DDX19B: variants seen among roughly 807,000 people sequenced by gnomAD.
DDX19B encodes the protein ATP-dependent RNA helicase DDX19B.
In DDX19B, 27 loss-of-function variants were observed where a neutral mutation model predicts 58.1. The ratio of observed to expected loss-of-function variants is 0.46; its 90% CI spans 0.34 to 0.64. The LOEUF (loss-of-function observed/expected upper bound fraction) is 0.64, where lower values mean the gene tolerates loss of function less well. Among genes scored for constraint, DDX19B ranks in the 30% least tolerant of loss-of-function variants. DDX19B has a pLI of 0.01. For missense variants in DDX19B, 399 were observed against 596.5 expected (o/e 0.67, Z 3.45); for synonymous variants, 187 against 214.4 (o/e 0.87, Z 1.12).
chr16:70,334,730 T>G lies in DDX19B; in HGVS notation c.*1148T>G, dbSNP rs1963637902. ...CCAAGGCAAGAGTATCACCAAGGCC[T>G]TTGCTCCAGCCTTACTTGGCATCTT... On this transcript the variant is annotated 3_prime_UTR_variant, in exon 12 of 12. Transcript: ENST00000288071. 6.6e-6 allele frequency: 1 copy of G among 152,220 alleles called. No individual in the cohort carries two copies. The highest frequency in any genetic ancestry group is 1.5e-5 in the Non-Finnish European group (1 of 68,056). 9.4% of individuals were successfully genotyped at this position (152,220 alleles called of 1,614,324 possible).
chr16:70,332,285 T>G (rs1963524407), intron 10 of DDX19B, among the ~76,000 whole-genome samples: 1 of 152,132 alleles, frequency 6.6e-6, no homozygotes, highest in Admixed American at 6.6e-5. Flanking sequence ...ATTCCCAGAG[T>G]TGGCCTGTCC....
rs570721526 is a variant in DDX19B at position 70,329,267 on chromosome 16, G to A, written c.608-25G>A. The A allele has an allele frequency of 3.1e-6, 5 of 1,605,538 alleles. No homozygotes were observed. In the East Asian group the frequency reaches 1.1e-4, roughly 36 times the overall value. ...AAGAAAGAAAGAAATACCCACACATGGAAAACATCTTGGGGTCTCCACAGT... is the reference window on the plus strand; with the variant it reads ...AAGAAAGAAAGAAATACCCACACATAGAAAACATCTTGGGGTCTCCACAGT... On this transcript the variant is annotated intron_variant, in intron 7 of 11. Coordinates refer to ENST00000288071, the MANE Select transcript of DDX19B (RefSeq NM_007242.7).
At chr16:70,312,217 A>G (rs2152194918) in intron 1 of DDX19B, among the ~76,000 whole-genome samples, 1 of 152,122 alleles carries the variant, frequency 6.6e-6, no homozygotes, top group South Asian at 2.1e-4. Flanking sequence ...ATCTCTTTAA[A>G]TTTCCTCTTG....
At chr16:70,320,570 C>T (rs1962719848) in intron 5 of DDX19B, among the ~76,000 whole-genome samples, 1 of 150,974 alleles carries the variant, frequency 6.6e-6, no homozygotes, top group South Asian at 2.1e-4. Context: ...TTTTTTGAGA[C>T]AGAGTCTCGC....
intron 1 of DDX19B, among the ~76,000 whole-genome samples, chr16:70,299,695 T>A (rs1025846753): frequency 6.6e-6 from 1 of 152,048 alleles, no homozygotes; most frequent in African/African-American, 2.4e-5. Context: ...CTGGAACTCC[T>A]GGTCTCAAGC....
At chr16:70,326,971 A>C (rs1211057291) in intron 7 of DDX19B, among the ~76,000 whole-genome samples, 3 of 151,648 alleles carry the variant, frequency 2.0e-5, no homozygotes, top group Non-Finnish European at 4.4e-5. Context: ...AGTAGCTGGG[A>C]CTACAGGCGC....
chr16:70,311,571 T>A (rs1962097436), intron 1 of DDX19B, among the ~76,000 whole-genome samples: 1 of 152,152 alleles, frequency 6.6e-6, no homozygotes. Flanking sequence ...AGATAAGACC[T>A]GCTAGGATAT....
At chr16:70,300,879 T>C (rs1015947283) in intron 1 of DDX19B, among the ~76,000 whole-genome samples, 2 of 152,208 alleles carry the variant, frequency 1.3e-5, no homozygotes, top group African/African-American at 2.4e-5. Context: ...AATTGCCTTA[T>C]GTTTATGCTT....
chr16:70,312,030 C>G (rs1962121395), intron 1 of DDX19B, among the ~76,000 whole-genome samples: 1 of 151,858 alleles, frequency 6.6e-6, no homozygotes, highest in African/African-American at 2.4e-5. Flanking sequence ...TTGGTAGAGA[C>G]GGGGTTTCAC....
At chr16:70,333,436 C>G in intron 11 of DDX19B, 85 bp from the exon 12 acceptor site, 1 of 1,606,562 alleles carries the variant, frequency 6.2e-7, no homozygotes, top group Non-Finnish European at 8.5e-7. Flanking sequence ...GCACCCGGAG[C>G]CTTTGGGGCT....
At chr16:70,301,270 T>TA (rs1283894125) in intron 1 of DDX19B, among the ~76,000 whole-genome samples, 2 of 152,306 alleles carry the variant, frequency 1.3e-5, no homozygotes, top group African/African-American at 4.8e-5. Flanking sequence ...TTCCATGTCT[T>TA]AAAAAATCTA....
upstream of DDX19B, among the ~76,000 whole-genome samples, chr16:70,297,917 G>T (rs952677080): frequency 1.3e-5 from 2 of 152,084 alleles, no homozygotes; most frequent in African/African-American, 2.4e-5. Context: ...TAAGGATAAG[G>T]CCTCGCTATG....
intron 5 of DDX19B, among the ~76,000 whole-genome samples, chr16:70,322,866 C>T (rs184203467): frequency 3.9e-5 from 5 of 129,548 alleles, no homozygotes; most frequent in Admixed American, 2.9e-4. Flanking sequence ...CACTCCAGCT[C>T]GGTGACAACA....
intron 2 of DDX19B, among the ~76,000 whole-genome samples, chr16:70,313,193 T>C (rs1962178313): frequency 1.3e-5 from 2 of 152,094 alleles, no homozygotes. Flanking sequence ...TAATGTTTTG[T>C]ATTTTTAGTA....
intron 5 of DDX19B, among the ~76,000 whole-genome samples, chr16:70,322,672 A>G (rs1962904933): frequency 1.3e-5 from 2 of 151,102 alleles, no homozygotes. Context: ...AGGCAAGTGG[A>G]TCACCTGAGG....
At chr16:70,327,026 G>A (rs1328754886) in intron 7 of DDX19B, among the ~76,000 whole-genome samples, 17 of 151,342 alleles carry the variant, frequency 1.1e-4, no homozygotes, top group Admixed American at 1.1e-3. Context: ...AGTAGAGACG[G>A]GGTTTCACTG....
rs576702740 is a variant in DDX19B at position 70,331,849 on chromosome 16, A to G, written c.1151A>G (p.Glu384Gly). 4.3e-6 allele frequency: 7 copies of G among 1,614,004 alleles called. No homozygotes were observed. Among genetic ancestry groups the G allele is most frequent in the Non-Finnish European group, 5.9e-6 (7 of 1,180,032 alleles). The change falls in exon 10 of 12, where the codon GAG (glutamate) becomes GGG (glycine). Residue 384 changes from glutamate (E) to glycine (G), a missense_variant. Transcript: ENST00000288071. The stretch of plus-strand genomic sequence containing the variant: ...ATTGAGCGCTTCCGAGAGGGCAAAG[A>G]GAAGGTTTTGGTGACCACCAACGTG... ...AVIERFREGK[E>G]KVLVTTNVCA... is the part of the protein sequence containing the mutation.
chr16:70,329,640 T>A (rs1963374492), intron 8 of DDX19B, among the ~76,000 whole-genome samples, 171 bp downstream of exon 8: 1 of 152,140 alleles, frequency 6.6e-6, no homozygotes, highest in Admixed American at 6.6e-5. Flanking sequence ...CCTCCCAGCC[T>A]GGGTTGAGAA....
intron 1 of DDX19B, among the ~76,000 whole-genome samples, chr16:70,305,399 C>G (rs1597466999): frequency 6.6e-6 from 1 of 152,190 alleles, no homozygotes; most frequent in East Asian, 1.9e-4. Context: ...TTTCTCATGC[C>G]TAACCTGGCA....
Sources: allele counts gnomAD v4.1 joint callset (sites outside exome capture counted in the v4.1 genomes callset), GRCh38; gene constraint gnomAD v4.1.1; transcripts MANE v1.5; gene names NCBI Gene and HGNC (gene_info 2026-07-23, HGNC 2026-07-21).